RXRB: variants seen among roughly 807,000 people sequenced by gnomAD.
RXRB encodes the protein retinoic acid receptor RXR-beta.
Under a neutral mutation model 52.5 loss-of-function variants are expected in RXRB, and 18 were observed. The observed-to-expected ratio is 0.34, with a 90% confidence interval of 0.24 to 0.51. The LOEUF (loss-of-function observed/expected upper bound fraction) is 0.51, where lower values mean the gene tolerates loss of function less well. RXRB is among the 20% of genes least tolerant of loss of function. The pLI is 0.97. For missense variants in RXRB, 455 were observed against 698.2 expected (o/e 0.65, Z 3.92); for synonymous variants, 233 against 267.1 (o/e 0.87, Z 1.25).
chr6:33,195,947 G>C lies in RXRB; in HGVS notation c.1083C>G (p.Ser361=). 6.2e-7 allele frequency: 1 copy of C among 1,613,020 alleles called. No homozygotes were observed. Among genetic ancestry groups the C allele is most frequent in the East Asian group, 2.2e-5 (1 of 44,888 alleles). The change falls in exon 6 of 10, where the codon TCC becomes TCG. Residue 361 remains serine, a synonymous_variant. Coordinates refer to ENST00000374680, the MANE Select transcript of RXRB (RefSeq NM_021976.5). This position sits in a 1 kb window ranked among gnomAD's most constrained non-coding sequence, Gnocchi z 8.6. Reference sequence around the variant, plus strand: ...TGACCTGATCATCCAGAGGCAAGGAGGAAAAGTGTGGGATCCTCTTCGCCC... The same window carrying C: ...TGACCTGATCATCCAGAGGCAAGGACGAAAAGTGTGGGATCCTCTTCGCCC... ...VEWAKRIPHF[S]SLPLDDQVIL... is the part of the protein sequence containing the mutation.
In RXRB at chr6:33,199,267, G is replaced by C. The variant is rs1393846010; in HGVS notation, c.385C>G (p.Leu129Val). ...CTGATGACTGGAAAGGGAGAGCCCA[G>C]TGGGGGTGGTGGCATCGGGGGTGGG... ...PPPPPMPPPPLGSPFPVISSS... is the reference protein window; with the variant it reads ...PPPPPMPPPPVGSPFPVISSS... The change falls in exon 2 of 10, where the codon CTG becomes GTG. Residue 129 changes from leucine to valine, a missense_variant. Physicochemically the swap from Leu to Val is conservative, Grantham distance 32. Transcript: ENST00000374680. The C allele has an allele frequency of 1.8e-6, 2 of 1,081,936 alleles. No individual in the cohort carries two copies. The highest frequency in any genetic ancestry group is 2.4e-6 in the Non-Finnish European group (2 of 837,226). The allele number at this position is 1,081,936 out of a possible 1,614,324, so 67.0% of individuals were successfully genotyped here. A position where few individuals can be genotyped will look rare whatever the true frequency, so the allele number is the denominator to read the frequency against.
Position 33,200,118 on chromosome 6 carries a change from G to T in RXRB, c.235+124C>A. ...AGGGTGCTAAGGCCCTCGGGAGGGA[G>T]GGGACGCGTGTTTACAAACAAGGGG... On this transcript the variant is annotated intron_variant, in intron 1 of 9. Coordinates refer to ENST00000374680, the MANE Select transcript of RXRB (RefSeq NM_021976.5). The surrounding 1 kb of genome is among the most constrained non-coding windows in gnomAD (Gnocchi z 6.3). 1 of 1,338,306 alleles carries T rather than the reference G, an allele frequency of 7.5e-7. No homozygotes were observed. The highest frequency in any genetic ancestry group is 1.1e-6 in the Non-Finnish European group (1 of 944,728). 82.9% of individuals were successfully genotyped at this position (1,338,306 alleles called of 1,614,324 possible).
intron 3 of RXRB, 87 bp downstream of exon 3, chr6:33,198,221 G>A: frequency 6.3e-7 from 1 of 1,594,360 alleles, no homozygotes; most frequent in Non-Finnish European, 8.6e-7. Context: ...CACTTGCTCT[G>A]ACCAAACTCC....
rs953631866 is a variant in RXRB at position 33,200,535 on chromosome 6, G to C, written c.-59C>G. On this transcript the variant is annotated 5_prime_UTR_variant, in exon 1 of 10. Coordinates refer to ENST00000374680, the MANE Select transcript of RXRB (RefSeq NM_021976.5). The surrounding 1 kb of genome is among the most constrained non-coding windows in gnomAD (Gnocchi z 6.3). ...TCCCAGGGATTCCCAAGGATTGATCGGAGGATTAGCTGAGCACGAGGAAGC... is the reference window on the plus strand; with the variant it reads ...TCCCAGGGATTCCCAAGGATTGATCCGAGGATTAGCTGAGCACGAGGAAGC... 1 of 1,525,676 alleles carries C rather than the reference G, an allele frequency of 6.6e-7. No individual in the cohort carries two copies. The highest frequency in any genetic ancestry group is 2.4e-5 in the East Asian group (1 of 42,314). 94.5% of individuals were successfully genotyped at this position (1,525,676 alleles called of 1,614,324 possible). A position where few individuals can be genotyped will look rare whatever the true frequency, so the allele number is the denominator to read the frequency against.
In RXRB at chr6:33,197,800, C is replaced by T; in HGVS notation, c.782G>A (p.Arg261His). ...GCCAGTGGCCAGGCACTTCTGATAG[C>T]GGCAGTACTGACAGCGGTTCCGCTG... ...KRQRNRCQYC[R>H]YQKCLATGMK... Residue 261 changes from arginine to histidine, a missense_variant, in exon 4 of 10, where the codon CGC becomes CAC. Coordinates refer to ENST00000374680, the MANE Select transcript of RXRB (RefSeq NM_021976.5). The surrounding 1 kb of genome is among the most constrained non-coding windows in gnomAD (Gnocchi z 4.4). 6.2e-7 allele frequency: 1 copy of T among 1,613,994 alleles called. No homozygotes were observed. Among genetic ancestry groups the T allele is most frequent in the Non-Finnish European group, 8.5e-7 (1 of 1,180,026 alleles).
chr6:33,194,408 G>C lies in RXRB; in HGVS notation c.*274C>G. The C allele has an allele frequency of 2.2e-6, 1 of 462,836 alleles. No individual in the cohort carries two copies. 28.7% of individuals were successfully genotyped at this position (462,836 alleles called of 1,614,324 possible). A position where few individuals can be genotyped will look rare whatever the true frequency, so the allele number is the denominator to read the frequency against. On this transcript the variant is annotated 3_prime_UTR_variant, in exon 10 of 10. Transcript: ENST00000374680. This position sits in a 1 kb window ranked among gnomAD's most constrained non-coding sequence, Gnocchi z 4.1. Reference sequence around the variant, plus strand: ...TGCTTTGTGCTGGGGGAAGGACAGAGGGTGAGAAATCACCCCAAATCATGG... The same window carrying C: ...TGCTTTGTGCTGGGGGAAGGACAGACGGTGAGAAATCACCCCAAATCATGG...
In RXRB at chr6:33,196,451, C is replaced by T. The variant is rs764450432; in HGVS notation, c.976G>A (p.Gly326Arg). The stretch of plus-strand genomic sequence containing the variant: ...ACACTCACGCTGCTGCCGCTACCCC[C>T]GGTTCCCCCAGGACCCTCAACGCCC... Reference protein sequence around the residue: ...DQGVEGPGGTGGSGSSPNDPV... With the variant: ...DQGVEGPGGTRGSGSSPNDPV... Residue 326 changes from glycine (G) to arginine (R), a missense_variant, in exon 5 of 10, where the codon GGG becomes AGG. Gly to Arg is a moderately radical substitution (Grantham distance 125). Coordinates refer to ENST00000374680, the MANE Select transcript of RXRB (RefSeq NM_021976.5). The surrounding 1 kb of genome is among the most constrained non-coding windows in gnomAD (Gnocchi z 4.0). 29 of 1,612,920 alleles carry T rather than the reference C, an allele frequency of 1.8e-5. No individual in the cohort carries two copies. The highest frequency in any genetic ancestry group is 1.1e-5 in the Non-Finnish European group (13 of 1,180,008).
In RXRB at chr6:33,197,632, G is replaced by T; in HGVS notation, c.820+130C>A. On this transcript the variant is annotated intron_variant, in intron 4 of 9. Transcript: ENST00000374680. This position sits in a 1 kb window ranked among gnomAD's most constrained non-coding sequence, Gnocchi z 4.4. ...GGTAACAGGGAGGAGAGCTGCGAAG[G>T]GAGAGAGAAATCAAATATCGCCCTC... 1.2e-6 allele frequency: 1 copy of T among 828,574 alleles called. No homozygotes were observed. The allele number at this position is 828,574 out of a possible 1,614,324, so 51.3% of individuals were successfully genotyped here. A position where few individuals can be genotyped will look rare whatever the true frequency, so the allele number is the denominator to read the frequency against.
rs1016225357 is a variant in RXRB at position 33,194,912 on chromosome 6, A to G, written c.1454+33T>C. On this transcript the variant is annotated intron_variant, in intron 9 of 9. Coordinates refer to ENST00000374680, the MANE Select transcript of RXRB (RefSeq NM_021976.5). The surrounding 1 kb of genome is among the most constrained non-coding windows in gnomAD (Gnocchi z 4.1). The stretch of plus-strand genomic sequence containing the variant: ...ATCCTCATAGCACTCCCCACCCCCA[A>G]GGGAGCCTCAGTGCCCCCCAGCCCC... 1.1e-5 allele frequency: 18 copies of G among 1,609,858 alleles called. No individual in the cohort carries two copies. The highest frequency in any genetic ancestry group is 5.0e-5 in the Admixed American group (3 of 59,990).
rs752011576 is a variant in RXRB, at chr6:33,200,340, G to C, written c.137C>G (p.Ala46Gly). Residue 46 changes from alanine (A) to glycine (G), a missense_variant, in exon 1 of 10, where the codon GCA becomes GGA. This residue lies in a region of RXRB where 225 missense variants were observed against 258.6 expected (regional missense o/e 0.87). Coordinates refer to ENST00000374680, the MANE Select transcript of RXRB (RefSeq NM_021976.5). This position sits in a 1 kb window ranked among gnomAD's most constrained non-coding sequence, Gnocchi z 6.3. ...WRRRRPWLDP[A>G]AAAAAAVAGG... The stretch of plus-strand genomic sequence containing the variant: ...TGCCACCGCCGCCGCCGCCGCCGCT[G>C]CGGGATCCAGCCAGGGCCGTCGCCG... The C allele has an allele frequency of 7.0e-6, 11 of 1,582,344 alleles. No homozygotes were observed. The South Asian group carries it at 1.2e-4, about 18-fold the overall frequency.
chr6:33,198,879 A>C (rs1433174786), intron 2 of RXRB, among the ~76,000 whole-genome samples: 43 of 141,104 alleles, frequency 3.0e-4, no homozygotes, highest in Non-Finnish European at 5.9e-4. Context: ...GTGCCACTGC[A>C]CTCCAGCCTG....
chr6:33,199,097 C>T (rs1340571085), intron 2 of RXRB, 72 bp downstream of exon 2: 1 of 1,155,402 alleles, frequency 8.7e-7, no homozygotes, highest in Non-Finnish European at 1.1e-6. Context: ...GAAGTTCACA[C>T]AAGGATCTGG....
At chr6:33,199,483 G>A (rs1774256651) in intron 1 of RXRB, 67 bp from the exon 2 acceptor site, 2 of 1,189,656 alleles carry the variant, frequency 1.7e-6, no homozygotes, top group Non-Finnish European at 2.2e-6. Flanking sequence ...AAGAAAATGA[G>A]TCTTCAAACA....
chr6:33,196,724 A>G lies in RXRB; in HGVS notation c.821-118T>C. The stretch of plus-strand genomic sequence containing the variant: ...TGGCCCTTGGGAGATATTTATAGGA[A>G]TTGGGGAAGTCACTAGAAAGGGTGG... On this transcript the variant is annotated intron_variant, in intron 4 of 9. Transcript: ENST00000374680. The surrounding 1 kb of genome is among the most constrained non-coding windows in gnomAD (Gnocchi z 4.0). The G allele has an allele frequency of 1.1e-6, 1 of 942,292 alleles. No homozygotes were observed. The highest frequency in any genetic ancestry group is 1.6e-5 in the African/African-American group (1 of 60,742). The allele number at this position is 942,292 out of a possible 1,614,324, so 58.4% of individuals were successfully genotyped here.
intron 2 of RXRB, 139 bp from the exon 3 acceptor site, chr6:33,198,603 A>C: frequency 1.2e-6 from 1 of 850,694 alleles, no homozygotes; most frequent in South Asian, 1.4e-5. Context: ...ACTGCAGTCT[A>C]TGTGAAAGGC....
Position 33,200,014 on chromosome 6 carries a change from C to T in RXRB, c.235+228G>A. ...AGGAATCGTGCCCTTCCCAGGCCCG[C>T]GACCTCCGGTGCCCAAGGCCTCAAG... On this transcript the variant is annotated intron_variant, in intron 1 of 9. Coordinates refer to ENST00000374680, the MANE Select transcript of RXRB (RefSeq NM_021976.5). The surrounding 1 kb of genome is among the most constrained non-coding windows in gnomAD (Gnocchi z 6.3). 1 of 783,710 alleles carries T rather than the reference C, an allele frequency of 1.3e-6. No homozygotes were observed. The highest frequency in any genetic ancestry group is 2.3e-6 in the Non-Finnish European group (1 of 435,850). 48.5% of individuals were successfully genotyped at this position (783,710 alleles called of 1,614,324 possible). A position where few individuals can be genotyped will look rare whatever the true frequency, so the allele number is the denominator to read the frequency against.
intron 1 of RXRB, chr6:33,199,995 C>T: frequency 1.3e-6 from 1 of 765,426 alleles, no homozygotes; most frequent in Non-Finnish European, 2.4e-6. Context: ...TAAGAGGAAT[C>T]GTGCCCTTCC....
intron 1 of RXRB, chr6:33,199,701 C>T (rs1329996959): frequency 2.3e-6 from 1 of 439,754 alleles, no homozygotes; most frequent in Non-Finnish European, 4.2e-6. Context: ...CTAAAAAAAC[C>T]CAAAAACAGC....
upstream of RXRB, chr6:33,200,811 T>C (rs747104712): frequency 5.3e-6 from 8 of 1,515,978 alleles, no homozygotes; most frequent in Non-Finnish European, 6.2e-6. The surrounding 1 kb of genome is among the most constrained non-coding windows in gnomAD (Gnocchi z 6.3). Context: ...GATTCGTCGC[T>C]ACCGGAGTGC....
Sources: allele counts gnomAD v4.1 joint callset (sites outside exome capture counted in the v4.1 genomes callset), GRCh38; gene constraint gnomAD v4.1.1; regional missense constraint gnomAD v4.1.1; non-coding constraint Gnocchi (gnomAD v3.1); transcripts MANE v1.5; gene names NCBI Gene and HGNC (gene_info 2026-07-23, HGNC 2026-07-21).